CLCN5: variants seen among roughly 807,000 people sequenced by gnomAD.
CLCN5 encodes the protein Cl-/H+ antiporter 5.
In CLCN5, 17 loss-of-function variants were observed where a neutral mutation model predicts 54.0. The observed-to-expected ratio is 0.31, with a 90% CI of 0.22 to 0.47. The LOEUF is 0.47. Among genes scored for constraint, CLCN5 ranks in the 20% least tolerant of loss-of-function variants. The probability of loss-of-function intolerance (pLI) is 1.00; values close to 1 mark genes in which losing one functional copy is unlikely to be tolerated. For missense variants in CLCN5, 448 were observed against 646.7 expected, an observed-to-expected ratio of 0.69 and a Z score of 3.33; for synonymous variants, 222 against 233.0, an observed-to-expected ratio of 0.95 and a Z score of 0.43.
chrX:50,016,874 C>G (rs1930815504), intron 3 of CLCN5, among the ~76,000 whole-genome samples: 1 of 110,860 alleles, frequency 9.0e-6, no homozygotes, highest in Non-Finnish European at 1.9e-5. Flanking sequence ...TAGCACTATG[C>G]ATTTAAGGCT....
intron 3 of CLCN5, among the ~76,000 whole-genome samples, chrX:49,944,028 A>G (rs1926543214): frequency 8.9e-6 from 1 of 111,819 alleles, no homozygotes; most frequent in Admixed American, 9.5e-5. Context: ...GATTCTTCCT[A>G]TCCATGAGCA....
rs1557167304 is a variant in CLCN5 at position 49,922,615 on chromosome X, G to A, written c.-382G>A. ...TGAGCCGATACTCGCGAGGCGCCCTGTCACATGAGCCGCGCGCCCGCTTCG... is the reference window on the plus strand; with the variant it reads ...TGAGCCGATACTCGCGAGGCGCCCTATCACATGAGCCGCGCGCCCGCTTCG... On this transcript the variant is annotated 5_prime_UTR_variant, in exon 1 of 15. Coordinates refer to ENST00000376091, the MANE Select transcript of CLCN5 (RefSeq NM_001127898.4). 1 of 113,149 alleles carries A rather than the reference G, an allele frequency of 8.8e-6. No homozygotes were observed. Among genetic ancestry groups the A allele is most frequent in the African/African-American group, 3.2e-5 (1 of 31,196 alleles). 9.3% of individuals were successfully genotyped at this position (113,149 alleles called of 1,213,427 possible).
At chrX:49,977,854 C>G (rs1928554103) in intron 3 of CLCN5, among the ~76,000 whole-genome samples, 1 of 111,568 alleles carries the variant, frequency 9.0e-6, no homozygotes, top group Non-Finnish European at 1.9e-5. Context: ...AGCAGCAAGC[C>G]GATTCAGCTG....
intron 4 of CLCN5, among the ~76,000 whole-genome samples, chrX:50,068,754 A>C (rs17173992): frequency 0.06 from 6,659 of 110,590 alleles, 538 homozygotes; most frequent in African/African-American, 0.21. Flanking sequence ...ATTCATTACC[A>C]AACAGTCTGG....
chrX:49,958,447 G>A (rs1477878378), intron 3 of CLCN5, among the ~76,000 whole-genome samples: 2 of 111,390 alleles, frequency 1.8e-5, no homozygotes, highest in African/African-American at 3.3e-5. Flanking sequence ...AAAACACTTC[G>A]TTCCATTACC....
chrX:49,930,124 A>G (rs1569536577), intron 3 of CLCN5, among the ~76,000 whole-genome samples: 1 of 111,944 alleles, frequency 8.9e-6, no homozygotes, highest in African/African-American at 3.3e-5. Flanking sequence ...GCAAATGGCC[A>G]GTAAACATGT....
rs376292808 is a variant in CLCN5 at position 50,075,799 on chromosome X, G to A, written c.420G>A (p.Ser140=). 19 of 1,208,660 alleles carry A rather than the reference G, an allele frequency of 1.6e-5. No homozygotes were observed. Among genetic ancestry groups the A allele is most frequent in the African/African-American group, 1.1e-4 (6 of 57,143 alleles). Residue 140 remains serine (S), a synonymous_variant, in exon 7 of 15, where the codon TCG becomes TCA. Coordinates refer to ENST00000376091, the MANE Select transcript of CLCN5 (RefSeq NM_001127898.4). ...LMLLIGLLSG[S]LAGLIDISAH... ...CCCTCCCTCCCCACAAATCAGGTTC[G>A]TTAGCTGGTTTGATAGACATCTCTG... is the stretch of plus-strand genomic sequence containing the variant.
At chrX:49,952,650 A>G (rs965863402) in intron 3 of CLCN5, among the ~76,000 whole-genome samples, 1 of 111,724 alleles carries the variant, frequency 9.0e-6, no homozygotes, top group African/African-American at 3.2e-5. Context: ...TAAAGCTACA[A>G]ATGGATACTC....
At chrX:50,079,790 G>C in intron 7 of CLCN5, among the ~76,000 whole-genome samples, 1 of 110,808 alleles carries the variant, frequency 9.0e-6, no homozygotes, top group South Asian at 3.9e-4. Context: ...CTGGGGCATG[G>C]AGGAGGAGGA....
chrX:50,042,095 T>A (rs1569539259), intron 3 of CLCN5, among the ~76,000 whole-genome samples: 2 of 111,931 alleles, frequency 1.8e-5, no homozygotes, highest in Non-Finnish European at 3.8e-5. Context: ...ATAATAGAGG[T>A]TACCAGGGCC....
intron 8 of CLCN5, among the ~76,000 whole-genome samples, chrX:50,081,405 A>G (rs1319965255): frequency 9.0e-6 from 1 of 110,844 alleles, no homozygotes; most frequent in Non-Finnish European, 1.9e-5. Context: ...CTTACAATAC[A>G]TCCTTGCCCA....
intron 4 of CLCN5, among the ~76,000 whole-genome samples, chrX:50,060,249 G>C (rs1373413459): frequency 9.0e-6 from 1 of 111,081 alleles, no homozygotes; most frequent in Non-Finnish European, 1.9e-5. Flanking sequence ...GAGGTACCGG[G>C]TTCATCTCAC....
intron 3 of CLCN5, among the ~76,000 whole-genome samples, chrX:50,026,426 ATCT>A (rs1366258183): frequency 1.8e-5 from 2 of 111,431 alleles, no homozygotes; most frequent in African/African-American, 6.5e-5. Flanking sequence ...GTCTTTACTG[ATCT>A]TCTGTCTGCT....
intron 3 of CLCN5, among the ~76,000 whole-genome samples, chrX:49,931,053 C>A (rs1557168801): frequency 9.0e-6 from 1 of 111,180 alleles, no homozygotes; most frequent in Non-Finnish European, 1.9e-5. Flanking sequence ...AAGCCTAGGC[C>A]TCACTCAGCC....
intron 9 of CLCN5, 29 bp downstream of exon 9, chrX:50,081,876 T>G: frequency 1.7e-6 from 2 of 1,149,325 alleles, no homozygotes; most frequent in Non-Finnish European, 2.4e-6. Context: ...AATAGTCTCT[T>G]TTTGGTTGTG....
At chrX:49,933,278 C>G (rs5906895) in intron 3 of CLCN5, among the ~76,000 whole-genome samples, 14,968 of 111,427 alleles carry the variant, frequency 0.13, 1,033 homozygotes, top group Admixed American at 0.26. Flanking sequence ...AAATGAGTTC[C>G]TTGTCTCTCT....
intron 3 of CLCN5, among the ~76,000 whole-genome samples, chrX:49,971,129 A>AT (rs782802587): frequency 1.9e-5 from 2 of 107,246 alleles, no homozygotes; most frequent in African/African-American, 6.8e-5. Context: ...AAATGCATGG[A>AT]TTTTTTGGTA....
intron 3 of CLCN5, among the ~76,000 whole-genome samples, chrX:50,012,693 G>C (rs1010464027): frequency 2.7e-5 from 3 of 111,734 alleles, no homozygotes; most frequent in African/African-American, 9.8e-5. Context: ...TAGAGCAGTG[G>C]TTCTCAGTGT....
At chrX:49,997,787 C>T (rs1285020804) in intron 3 of CLCN5, among the ~76,000 whole-genome samples, 1 of 110,002 alleles carries the variant, frequency 9.1e-6, no homozygotes, top group African/African-American at 3.3e-5. Context: ...TCCCAAAGTG[C>T]TGGGATTACA....
Sources: gnomAD v4.1 joint callset for allele counts (sites outside exome capture counted in the v4.1 genomes callset) on GRCh38, gnomAD v4.1.1 for gene constraint, MANE v1.5 for transcripts, NCBI Gene and HGNC (gene_info 2026-07-23, HGNC 2026-07-21) for gene names.